The following CFAP44 variants were observed in gnomAD, a reference collection of about 807,000 sequenced individuals.
CFAP44 encodes cilia and flagella associated protein 44, also known as cilia- and flagella-associated protein 44.
CFAP44 carries 134 observed loss-of-function variants against 216.2 expected under a neutral mutation model. The ratio of observed to expected loss-of-function variants is 0.62; its 90% confidence interval spans 0.54 to 0.72. The LOEUF (loss-of-function observed/expected upper bound fraction) is 0.72, where lower values mean the gene tolerates loss of function less well. Ranked by LOEUF, CFAP44 falls within the 30% of genes least tolerant of loss-of-function variation. The pLI is 0.00. For synonymous variants in CFAP44, 700 were observed against 727.6 expected, an observed-to-expected ratio of 0.96 and a Z score of 0.61; for missense variants, 2,035 against 2,182.1, an observed-to-expected ratio of 0.93 and a Z score of 1.34.
chr3:113,349,436 G>A (rs1469843695), intron 22 of CFAP44, among the ~76,000 whole-genome samples: 1 of 152,188 alleles, frequency 6.6e-6, no homozygotes, highest in African/African-American at 2.4e-5. Flanking sequence ...CGAGATCAGA[G>A]AAAGGCCGCA....
chr3:113,333,543 C>A lies in CFAP44; in HGVS notation c.3478G>T (p.Asp1160Tyr), dbSNP rs992252202. Reference sequence around the variant, plus strand: ...TGGGCTTCTTTGATGGCTTGAAGATCTTTGGGATCTTCATAGTCATCACCA... The same window carrying A: ...TGGGCTTCTTTGATGGCTTGAAGATATTTGGGATCTTCATAGTCATCACCA... Reference protein sequence around the residue: ...KPGDDYEDPKDLQAIKEAQVY... With the variant: ...KPGDDYEDPKYLQAIKEAQVY... Residue 1160 changes from aspartate (D) to tyrosine (Y), a missense_variant, in exon 25 of 35, where the codon GAT (aspartate) becomes TAT (tyrosine). This residue lies in a region of CFAP44 where 1,883 missense variants were observed against 2,023.7 expected (regional missense o/e 0.93). Coordinates refer to ENST00000393845, the MANE Select transcript of CFAP44 (RefSeq NM_001164496.2). 5.2e-6 allele frequency: 8 copies of A among 1,536,682 alleles called. No homozygotes were observed. The highest frequency in any genetic ancestry group is 7.0e-6 in the Non-Finnish European group (8 of 1,146,812).
At chr3:113,334,030 C>T (rs1950262030) in intron 24 of CFAP44, among the ~76,000 whole-genome samples, 1 of 151,352 alleles carries the variant, frequency 6.6e-6, no homozygotes, top group South Asian at 2.1e-4. Flanking sequence ...TGGCTCACTA[C>T]AACCTCCACC....
chr3:113,423,432 G>A (rs538953996), intron 4 of CFAP44, among the ~76,000 whole-genome samples: 25 of 152,174 alleles, frequency 1.6e-4, no homozygotes, highest in South Asian at 4.2e-4. Flanking sequence ...GAGCTGCTGC[G>A]CCTGGCCTGA....
rs61732433 is a variant in CFAP44 at position 113,330,529 on chromosome 3, G to T, written c.3755C>A (p.Pro1252His). ...GTGTATCTGAGGAATTTTGGGAATG[G>T]GTATGTGCTTGGATATGTGAAGAGT... ...QSTLHISKHI[P>H]IPKIPQIHPE... The change falls in exon 26 of 35, where the codon CCC becomes CAC. Residue 1252 changes from proline to histidine, a missense_variant. Physicochemically the swap from Pro to His is moderately conservative, Grantham distance 77. Transcript: ENST00000393845. 2.6e-4 allele frequency: 401 copies of T among 1,537,154 alleles called. 1 individual carries two copies. In the African/African-American group the frequency reaches 5.0e-3, roughly 19 times the overall value.
At chr3:113,399,232 G>C (rs1934071503) in intron 13 of CFAP44, among the ~76,000 whole-genome samples, 1 of 152,130 alleles carries the variant, frequency 6.6e-6, no homozygotes, top group East Asian at 1.9e-4. Context: ...TGTCTTCCCA[G>C]CTGAGTTCCC....
intron 22 of CFAP44, among the ~76,000 whole-genome samples, chr3:113,357,164 T>C (rs1260721174): frequency 6.6e-6 from 1 of 152,048 alleles, no homozygotes; most frequent in African/African-American, 2.4e-5. Context: ...TAAACCATAC[T>C]GAGATGCTAC....
At chr3:113,298,054 AC>A (rs1949898910) in intron 32 of CFAP44, among the ~76,000 whole-genome samples, 1 of 152,356 alleles carries the variant, frequency 6.6e-6, no homozygotes, top group Middle Eastern at 3.4e-3. Context: ...GATGATGTGC[AC>A]GTGTGTGCTG....
chr3:113,386,137 T>G (rs1014947951), intron 15 of CFAP44, among the ~76,000 whole-genome samples: 36 of 152,326 alleles, frequency 2.4e-4, no homozygotes, highest in Non-Finnish European at 7.3e-5. Context: ...ACTTATCTTT[T>G]ATTATTATAA....
Position 113,294,529 on chromosome 3 carries a change from T to C in CFAP44, c.5373+158A>G. ...TCCCTCAGGCCCACTGTAATGTGGC[T>C]AACACCAACTCAGTGTCCTCGGGGA... On this transcript the variant is annotated intron_variant, in intron 34 of 34. Coordinates refer to ENST00000393845, the MANE Select transcript of CFAP44 (RefSeq NM_001164496.2). 4 of 956,336 alleles carry C rather than the reference T, an allele frequency of 4.2e-6. No homozygotes were observed. The South Asian group carries it at 8.1e-5, about 19-fold the overall frequency. 59.2% of individuals were successfully genotyped at this position (956,336 alleles called of 1,614,324 possible).
intron 24 of CFAP44, among the ~76,000 whole-genome samples, chr3:113,339,787 G>C (rs1033210904): frequency 3.3e-5 from 5 of 152,188 alleles, no homozygotes; most frequent in African/African-American, 9.7e-5. Context: ...TTCTCAGCCA[G>C]CAGGGGCCAT....
chr3:113,339,849 G>A (rs1344751787), intron 24 of CFAP44, among the ~76,000 whole-genome samples: 2 of 152,086 alleles, frequency 1.3e-5, no homozygotes, highest in African/African-American at 4.8e-5. Context: ...CTCTCACTTA[G>A]AAAAGGAAAA....
chr3:113,336,270 G>A (rs1950281094), intron 24 of CFAP44, among the ~76,000 whole-genome samples: 1 of 151,962 alleles, frequency 6.6e-6, no homozygotes, highest in African/African-American at 2.4e-5. Context: ...TAAAATCTAT[G>A]ACCAAAAGCT....
intron 17 of CFAP44, among the ~76,000 whole-genome samples, chr3:113,375,638 G>C (rs1382282145): frequency 6.6e-6 from 1 of 152,070 alleles, no homozygotes; most frequent in Admixed American, 6.6e-5. Flanking sequence ...GCTACGAACT[G>C]CAAACAAAAT....
chr3:113,349,113 G>T (rs564444539), intron 22 of CFAP44, among the ~76,000 whole-genome samples: 17 of 152,134 alleles, frequency 1.1e-4, no homozygotes, highest in Non-Finnish European at 2.4e-4. Context: ...GTTCTAGAAG[G>T]ACTAAGGACA....
intron 24 of CFAP44, among the ~76,000 whole-genome samples, chr3:113,341,194 T>G (rs1487333870): frequency 1.3e-5 from 2 of 152,060 alleles, no homozygotes; most frequent in Non-Finnish European, 2.9e-5. Context: ...ATGCAACACT[T>G]GGGCAGGAAA....
At chr3:113,372,377 C>T (rs1933196042) in intron 18 of CFAP44, among the ~76,000 whole-genome samples, 1 of 152,070 alleles carries the variant, frequency 6.6e-6, no homozygotes, top group Non-Finnish European at 1.5e-5. Context: ...GGCACATATA[C>T]ACCATGGAAT....
chr3:113,435,871 G>C (rs1322444914), intron 1 of CFAP44, among the ~76,000 whole-genome samples: 1 of 151,906 alleles, frequency 6.6e-6, no homozygotes, highest in Non-Finnish European at 1.5e-5. Flanking sequence ...GTGTGTGTGT[G>C]TGTGTGTGTG....
rs1949972617 is a variant in CFAP44, at chr3:113,305,103, G to A, written c.4808C>T (p.Ala1603Val). The change falls in exon 31 of 35, where the codon GCT becomes GTT. Residue 1603 changes from alanine (A) to valine (V), a missense_variant. By Grantham distance (64) the Ala-to-Val change is moderately conservative (BLOSUM62 0). Coordinates refer to ENST00000393845, the MANE Select transcript of CFAP44 (RefSeq NM_001164496.2). Reference sequence around the variant, plus strand: ...CCGCTGCTGCTTCTCTCGCTGATAAGCCTCCAGGGCCTCCTCTGCTGCATT... The same window carrying A: ...CCGCTGCTGCTTCTCTCGCTGATAAACCTCCAGGGCCTCCTCTGCTGCATT... The part of the protein sequence containing the change: ...NLNAAEEALE[A>V]YQREKQQRLN... The A allele has an allele frequency of 2.6e-6, 4 of 1,537,266 alleles. No homozygotes were observed. The highest frequency in any genetic ancestry group is 1.2e-5 in the South Asian group (1 of 84,060).
intron 15 of CFAP44, among the ~76,000 whole-genome samples, chr3:113,382,964 C>T (rs866761560): frequency 2.9e-4 from 44 of 152,212 alleles, no homozygotes; most frequent in African/African-American, 1.0e-3. Flanking sequence ...GATTGCTGAA[C>T]GATTTCATGG....
Sources: gnomAD v4.1 joint callset for allele counts (sites outside exome capture counted in the v4.1 genomes callset) on GRCh38, gnomAD v4.1.1 for gene constraint, gnomAD v4.1.1 regional missense constraint, MANE v1.5 for transcripts, NCBI Gene and HGNC (gene_info 2026-07-23, HGNC 2026-07-21) for gene names.